Variants in SH3RF1 observed in about 807,000 individuals in gnomAD.
SH3RF1 encodes the protein E3 ubiquitin-protein ligase SH3RF1.
A neutral mutation model predicts 74.0 loss-of-function variants in SH3RF1; 32 were observed. That is an observed-to-expected ratio of 0.43 (90% CI 0.33 to 0.58). The LOEUF (loss-of-function observed/expected upper bound fraction) is 0.58, where lower values mean the gene tolerates loss of function less well. Ranked by LOEUF, SH3RF1 falls within the 20% of genes least tolerant of loss-of-function variation. The pLI is 0.05. For missense variants in SH3RF1, 954 were observed against 1,130.9 expected, an observed-to-expected ratio of 0.84 and a Z score of 2.24; for synonymous variants, 396 against 439.6, an observed-to-expected ratio of 0.90 and a Z score of 1.24.
At chr4:169,262,237 C>T (rs1731290980) in intron 2 of SH3RF1, among the ~76,000 whole-genome samples, 3 of 152,240 alleles carry the variant, frequency 2.0e-5, no homozygotes, top group African/African-American at 4.8e-5. Context: ...TATGCATACA[C>T]ATATAAATGT....
chr4:169,197,837 T>C lies in SH3RF1; in HGVS notation c.394-41158A>G, dbSNP rs148482217. Among the ~76,000 whole-genome samples, 77 of 152,232 alleles carry C rather than the reference T, an allele frequency of 5.1e-4. 1 individual carries two copies. The highest frequency in any genetic ancestry group is 1.6e-3 in the African/African-American group (65 of 41,550). ...GCTTTTTGGTTAGAATAATATTATA[T>C]TATATCCCTTTAAAATACTACTAAA... is the stretch of plus-strand genomic sequence containing the variant. On this transcript the variant is annotated intron_variant, in intron 2 of 11. Transcript: ENST00000284637.
intron 2 of SH3RF1, chr4:169,217,167 A>G (rs1172265577): frequency 6.6e-6 from 1 of 152,106 alleles, no homozygotes; most frequent in African/African-American, 2.4e-5. Flanking sequence ...GTCTCAAAAA[A>G]AAAAAAAAAA....
At chr4:169,199,439 T>C (rs1344141747) in intron 2 of SH3RF1, among the ~76,000 whole-genome samples, 3 of 152,148 alleles carry the variant, frequency 2.0e-5, no homozygotes, top group African/African-American at 7.2e-5. Context: ...GGTCTTATAA[T>C]CTTGTGCATC....
chr4:169,230,260 T>C (rs981431062), intron 2 of SH3RF1, among the ~76,000 whole-genome samples: 12 of 152,190 alleles, frequency 7.9e-5, no homozygotes, highest in African/African-American at 2.7e-4. Context: ...GGTGCACAGC[T>C]AAATGAACCT....
At chr4:169,258,640 G>GA (rs1372073547) in intron 2 of SH3RF1, among the ~76,000 whole-genome samples, 41 of 151,936 alleles carry the variant, frequency 2.7e-4, no homozygotes, top group Admixed American at 2.6e-3. Flanking sequence ...CAATAATGGG[G>GA]AAAAAACTGT....
Position 169,136,544 on chromosome 4 carries a change from G to A in SH3RF1, c.842C>T (p.Ser281Leu), listed in dbSNP as rs541342883. ...VPGVDAGECSSAAAQSSTAPK... is the reference protein window; with the variant it reads ...VPGVDAGECSLAAAQSSTAPK... ...GGCAGTGCTGCTCTGGGCTGCTGCC[G>A]AGGAACATTCTCCAGCATCAACTCC... is the stretch of plus-strand genomic sequence containing the variant. The change falls in exon 5 of 12, where the codon TCG becomes TTG. Residue 281 changes from serine (S) to leucine (L), a missense_variant. By Grantham distance (145) the Ser-to-Leu change is moderately radical. Coordinates refer to ENST00000284637, the MANE Select transcript of SH3RF1 (RefSeq NM_020870.4). 2.1e-5 allele frequency: 34 copies of A among 1,607,474 alleles called. 1 individual carries two copies. Among genetic ancestry groups the A allele is most frequent in the Admixed American group, 1.5e-4 (9 of 58,218 alleles).
At chr4:169,253,906 C>T (rs1428326989) in intron 2 of SH3RF1, among the ~76,000 whole-genome samples, 1 of 152,160 alleles carries the variant, frequency 6.6e-6, no homozygotes, top group Non-Finnish European at 1.5e-5. Context: ...AGGCTTTTGA[C>T]TCAACTCAGC....
At chr4:169,154,947 A>G (rs947247876) in intron 4 of SH3RF1, among the ~76,000 whole-genome samples, 3 of 152,176 alleles carry the variant, frequency 2.0e-5, no homozygotes, top group African/African-American at 7.2e-5. Flanking sequence ...CTTGGCCACA[A>G]GCTTTCCAAG....
At position 169,130,065 on chromosome 4, in the gene SH3RF1, G is replaced by A; in HGVS notation, c.1160C>T (p.Pro387Leu). 1 of 1,613,624 alleles carries A rather than the reference G, an allele frequency of 6.2e-7. No individual in the cohort carries two copies. The highest frequency in any genetic ancestry group is 8.5e-7 in the Non-Finnish European group (1 of 1,179,824). The change falls in exon 6 of 12, where the codon CCC becomes CTC. Residue 387 changes from proline (P) to leucine (L), a missense_variant. Pro to Leu is a moderately conservative substitution (Grantham distance 98). Coordinates refer to ENST00000284637, the MANE Select transcript of SH3RF1 (RefSeq NM_020870.4). ...GPSFTFPSDVPYQAALGTLNP... is the reference protein window; with the variant it reads ...GPSFTFPSDVLYQAALGTLNP... ...ACTCACTCCAAGGGCAGCTTGGTAG[G>A]GAACATCTGATGGGAAAGTAAACGA...
chr4:169,268,705 G>T, intron 2 of SH3RF1, 115 bp downstream of exon 2: 1 of 1,127,426 alleles, frequency 8.9e-7, no homozygotes. Flanking sequence ...ATCTGTTCCA[G>T]TATGTATGGT....
Position 169,130,088 on chromosome 4 carries a change from C to G in SH3RF1, c.1137G>C (p.Ser379=), listed in dbSNP as rs200026352. Reference sequence around the variant, plus strand: ...AGGGAACATCTGATGGGAAAGTAAACGAGGGGCCAGTTGTCACTGGGCTGC... The same window carrying G: ...AGGGAACATCTGATGGGAAAGTAAAGGAGGGGCCAGTTGTCACTGGGCTGC... The part of the protein sequence containing the change: ...PPSSPVTTGP[S]FTFPSDVPYQ... The change falls in exon 6 of 12, where the codon TCG becomes TCC. Residue 379 remains serine, a synonymous_variant. Coordinates refer to ENST00000284637, the MANE Select transcript of SH3RF1 (RefSeq NM_020870.4). 1 of 1,613,164 alleles carries G rather than the reference C, an allele frequency of 6.2e-7. No individual in the cohort carries two copies. Among genetic ancestry groups the G allele is most frequent in the South Asian group, 1.1e-5 (1 of 90,996 alleles).
chr4:169,259,330 C>A (rs1451833381), intron 2 of SH3RF1, among the ~76,000 whole-genome samples: 1 of 152,100 alleles, frequency 6.6e-6, no homozygotes, highest in East Asian at 1.9e-4. Flanking sequence ...TCATGTTTCA[C>A]AACGCAAATA....
chr4:169,209,263 TGAGTGACAGAACAA>T (rs1448700998), intron 2 of SH3RF1, among the ~76,000 whole-genome samples: 1 of 149,598 alleles, frequency 6.7e-6, no homozygotes, highest in Non-Finnish European at 1.5e-5. Context: ...CACTCCAGCC[TGAGTGACAGAACAA>T]GACCCTGTCC....
At chr4:169,250,068 T>C (rs537618010) in intron 2 of SH3RF1, among the ~76,000 whole-genome samples, 44 of 152,374 alleles carry the variant, frequency 2.9e-4, no homozygotes, top group African/African-American at 1.0e-3. Flanking sequence ...ACCCACTCCT[T>C]AAACAGTTTT....
chr4:169,206,614 G>A (rs538368437), intron 2 of SH3RF1, among the ~76,000 whole-genome samples: 8 of 152,314 alleles, frequency 5.3e-5, no homozygotes, highest in African/African-American at 1.9e-4. Flanking sequence ...ATTATGTGCA[G>A]TGTTCATCAC....
intron 2 of SH3RF1, among the ~76,000 whole-genome samples, chr4:169,264,087 ACAGT>A (rs1455209485): frequency 2.0e-5 from 3 of 152,208 alleles, no homozygotes; most frequent in Admixed American, 2.0e-4. Flanking sequence ...GAGTATGTCT[ACAGT>A]CAGAGTACAA....
intron 2 of SH3RF1, among the ~76,000 whole-genome samples, chr4:169,163,008 T>C (rs1734175006): frequency 6.6e-6 from 1 of 151,776 alleles, no homozygotes; most frequent in Non-Finnish European, 1.5e-5. Context: ...CTAACTCAGC[T>C]CTTGACCAAA....
intron 7 of SH3RF1, 105 bp downstream of exon 7, chr4:169,121,995 A>G (rs1733443052): frequency 1.4e-6 from 2 of 1,464,446 alleles, no homozygotes; most frequent in East Asian, 4.6e-5. Context: ...TTGGTGAGCC[A>G]TAACGCTGTC....
intron 2 of SH3RF1, among the ~76,000 whole-genome samples, chr4:169,173,164 C>T (rs1296424737): frequency 6.6e-6 from 1 of 152,062 alleles, no homozygotes; most frequent in Non-Finnish European, 1.5e-5. Flanking sequence ...CTGTATTTTT[C>T]TTCGCCAACC....
Sources: allele counts gnomAD v4.1 joint callset (sites outside exome capture counted in the v4.1 genomes callset), GRCh38; gene constraint gnomAD v4.1.1; transcripts MANE v1.5; gene names NCBI Gene and HGNC (gene_info 2026-07-23, HGNC 2026-07-21).